Variants in AMDHD1 observed in about 807,000 individuals in gnomAD.
The protein encoded by AMDHD1 is amidohydrolase domain containing 1, also known as probable imidazolonepropionase.
AMDHD1 carries 45 observed loss-of-function variants against 44.1 expected under a neutral mutation model. That is an observed-to-expected ratio of 1.02 (90% confidence interval 0.80 to 1.31). AMDHD1 has a LOEUF of 1.31. Among genes scored for constraint, AMDHD1 ranks in the 50% most tolerant of loss-of-function variants. The pLI is 0.00. For synonymous variants in AMDHD1, 206 were observed against 205.0 expected, an observed-to-expected ratio of 1.00 and a Z score of -0.04; for missense variants, 586 against 552.1, an observed-to-expected ratio of 1.06 and a Z score of -0.61.
chr12:95,964,628 T>G (rs2080599574), intron 6 of AMDHD1, among the ~76,000 whole-genome samples: 1 of 152,088 alleles, frequency 6.6e-6, no homozygotes, highest in Non-Finnish European at 1.5e-5. Flanking sequence ...AAAAACATTT[T>G]AAGTGGTCCT....
chr12:95,954,434 G>C (rs73214305), intron 2 of AMDHD1, among the ~76,000 whole-genome samples: 8 of 151,958 alleles, frequency 5.3e-5, no homozygotes, highest in Non-Finnish European at 1.5e-5. Context: ...CTTGTGTGGT[G>C]GTGCATGACT....
At chr12:95,959,107 G>A (rs187353947) in intron 4 of AMDHD1, among the ~76,000 whole-genome samples, 8 of 152,088 alleles carry the variant, frequency 5.3e-5, no homozygotes, top group South Asian at 4.2e-4. Context: ...AATAACTTGC[G>A]TAAGTGCCTG....
At chr12:95,962,288 T>C (rs1328468862) in intron 5 of AMDHD1, 67 bp from the exon 6 acceptor site, 3 of 1,561,048 alleles carry the variant, frequency 1.9e-6, no homozygotes, top group Non-Finnish European at 2.6e-6. Flanking sequence ...CAAAGCAATT[T>C]AATGGAACTT....
At chr12:95,959,604 C>T (rs1287550525) in intron 4 of AMDHD1, among the ~76,000 whole-genome samples, 1 of 151,752 alleles carries the variant, frequency 6.6e-6, no homozygotes, top group Non-Finnish European at 1.5e-5. Context: ...ATTTCACAGC[C>T]TCCTACTATC....
At chr12:95,962,577 AT>A (rs1327047101) in intron 6 of AMDHD1, 98 bp downstream of exon 6, 8 of 1,346,032 alleles carry the variant, frequency 5.9e-6, no homozygotes, top group Non-Finnish European at 6.8e-6. Flanking sequence ...GCCCTTACAA[AT>A]CCCTTAAAAA....
intron 4 of AMDHD1, 150 bp from the exon 5 acceptor site, chr12:95,960,248 A>G: frequency 4.5e-6 from 3 of 669,290 alleles, no homozygotes; most frequent in Non-Finnish European, 7.6e-6. Flanking sequence ...TTAAGAGCCC[A>G]TAGTTGTAGC....
At chr12:95,946,055 T>TTC (rs77667379) in intron 1 of AMDHD1, among the ~76,000 whole-genome samples, 83 of 141,136 alleles carry the variant, frequency 5.9e-4, no homozygotes, top group South Asian at 2.6e-3. Flanking sequence ...CTCTCTCTCT[T>TTC]TCTCTCTGTG....
chr12:95,956,549 T>C (rs2136764565), intron 3 of AMDHD1, 136 bp from the exon 4 acceptor site: 4 of 1,230,338 alleles, frequency 3.3e-6, no homozygotes, highest in South Asian at 1.5e-5. Flanking sequence ...TCCCAGCACC[T>C]TTCTAATCTG....
intron 1 of AMDHD1, among the ~76,000 whole-genome samples, chr12:95,947,727 C>G (rs1270228580): frequency 1.4e-5 from 1 of 70,806 alleles, no homozygotes; most frequent in Non-Finnish European, 2.6e-5. Context: ...GGGTCAGCCC[C>G]CCCACCCGGC....
intron 1 of AMDHD1, among the ~76,000 whole-genome samples, chr12:95,951,643 T>C (rs536047014): frequency 1.1e-4 from 16 of 152,344 alleles, no homozygotes; most frequent in African/African-American, 3.8e-4. Context: ...GCTCTATTTT[T>C]AGTTTTTGAG....
At chr12:95,946,636 C>T (rs1371947605) in intron 1 of AMDHD1, among the ~76,000 whole-genome samples, 1 of 6,882 alleles carries the variant, frequency 1.5e-4, no homozygotes, top group Non-Finnish European at 2.2e-4. Flanking sequence ...TCCCCCTCCC[C>T]CTCCCTCTCC....
At position 95,960,556 on chromosome 12, in the gene AMDHD1, G is replaced by A. The variant is rs376012943; in HGVS notation, c.746G>A (p.Arg249His). The A allele has an allele frequency of 9.1e-5, 147 of 1,614,064 alleles. No individual in the cohort carries two copies. Among genetic ancestry groups the A allele is most frequent in the Middle Eastern group, 1.6e-4 (1 of 6,084 alleles). The part of the protein sequence containing the change: ...DLDSTRRILQ[R>H]GKDIGLQINF... ...GATTCCACCAGAAGGATTCTTCAACGTGGAAAAGATATAGGGTTACAGATT... is the reference window on the plus strand; with the variant it reads ...GATTCCACCAGAAGGATTCTTCAACATGGAAAAGATATAGGGTTACAGATT... The change falls in exon 5 of 9, where the codon CGT becomes CAT. Residue 249 changes from arginine (R) to histidine (H), a missense_variant. Physicochemically the swap from Arg to His is conservative, Grantham distance 29. Transcript: ENST00000266736.
chr12:95,960,226 A>G (rs1007920994), intron 4 of AMDHD1, among the ~76,000 whole-genome samples, 172 bp from the exon 5 acceptor site: 3 of 152,208 alleles, frequency 2.0e-5, no homozygotes, highest in African/African-American at 4.8e-5. Context: ...CTATGTAGAC[A>G]TGGCCCAATA....
chr12:95,952,343 G>A lies in AMDHD1; in HGVS notation c.138-374G>A, dbSNP rs149566808. Among the ~76,000 whole-genome samples, 367 of 152,234 alleles carry A rather than the reference G, an allele frequency of 2.4e-3. 1 individual carries two copies. The highest frequency in any genetic ancestry group is 8.5e-3 in the African/African-American group (355 of 41,530). On this transcript the variant is annotated intron_variant, in intron 1 of 8. Transcript: ENST00000266736. ...CCCAATGTACGTTCTTGGCATCTTT[G>A]CTGAAAATGAGTTCACTGTAGATGT...
chr12:95,954,876 C>A (rs1555234984), intron 2 of AMDHD1, 35 bp from the exon 3 acceptor site: 1 of 1,607,642 alleles, frequency 6.2e-7, no homozygotes, highest in South Asian at 1.1e-5. Flanking sequence ...CTCTCTATTT[C>A]TTAATTGTAA....
At position 95,967,772 on chromosome 12, in the gene AMDHD1, T is replaced by C; in HGVS notation, c.1210T>C (p.Tyr404His). The change falls in exon 9 of 9, where the codon TAC (tyrosine) becomes CAC (histidine). Residue 404 changes from tyrosine (Y) to histidine (H), a missense_variant. Transcript: ENST00000266736. The part of the protein sequence containing the change: ...INSSRWEHLI[Y>H]QFGGHHELIE... ...TTTTTCTAGATGGGAGCATTTGATTTACCAGTTCGGAGGCCATCATGAATT... is the reference window on the plus strand; with the variant it reads ...TTTTTCTAGATGGGAGCATTTGATTCACCAGTTCGGAGGCCATCATGAATT... 6.3e-7 allele frequency: 1 copy of C among 1,585,684 alleles called. No homozygotes were observed. Among genetic ancestry groups the C allele is most frequent in the Non-Finnish European group, 8.5e-7 (1 of 1,169,702 alleles).
chr12:95,952,926 A>G (rs2080531651), intron 2 of AMDHD1, 103 bp downstream of exon 2: 1 of 666,136 alleles, frequency 1.5e-6, no homozygotes. Flanking sequence ...TCAAAATAAT[A>G]TTTAAAAAAA....
At chr12:95,950,394 A>G (rs1465382716) in intron 1 of AMDHD1, among the ~76,000 whole-genome samples, 1 of 152,138 alleles carries the variant, frequency 6.6e-6, no homozygotes, top group Non-Finnish European at 1.5e-5. Context: ...AGGTTACCCC[A>G]ACCACTTCTG....
chr12:95,955,667 TC>T (rs1362180883), intron 3 of AMDHD1, among the ~76,000 whole-genome samples: 1 of 152,158 alleles, frequency 6.6e-6, no homozygotes, highest in Non-Finnish European at 1.5e-5. Flanking sequence ...TACAGTCCAA[TC>T]CTCTCATTAT....
Sources: gnomAD v4.1 joint callset for allele counts (sites outside exome capture counted in the v4.1 genomes callset) on GRCh38, gnomAD v4.1.1 for gene constraint, MANE v1.5 for transcripts, NCBI Gene and HGNC (gene_info 2026-07-23, HGNC 2026-07-21) for gene names.